HTR1F: variants seen among roughly 807,000 people sequenced by gnomAD.
HTR1F encodes 5-hydroxytryptamine (serotonin) receptor 1F, G protein-coupled.
A neutral mutation model predicts 24.0 loss-of-function variants in HTR1F; 17 were observed. The observed-to-expected ratio is 0.71, with a 90% CI of 0.48 to 1.06. The LOEUF is 1.06. Among genes scored for constraint, HTR1F ranks in the 50% least tolerant of loss-of-function variants. HTR1F has a pLI of 0.00. For missense variants in HTR1F, 391 were observed against 427.8 expected (o/e 0.91, Z 0.76); for synonymous variants, 186 against 156.8 (o/e 1.19, Z -1.39).
intron 2 of HTR1F, among the ~76,000 whole-genome samples, chr3:87,989,714 A>G (rs1559661124): frequency 1.3e-5 from 2 of 152,204 alleles, no homozygotes; most frequent in African/African-American, 4.8e-5. Flanking sequence ...ATTTTCTTAT[A>G]TTGCATCATA....
chr3:87,917,948 G>C (rs1165830817), intron 2 of HTR1F, among the ~76,000 whole-genome samples: 1 of 151,996 alleles, frequency 6.6e-6, no homozygotes, highest in African/African-American at 2.4e-5. Flanking sequence ...TATCCCTGAT[G>C]AACGTAGATG....
chr3:87,934,515 C>A (rs936417827), intron 2 of HTR1F, among the ~76,000 whole-genome samples: 22 of 152,290 alleles, frequency 1.4e-4, no homozygotes, highest in Non-Finnish European at 2.6e-4. Flanking sequence ...AGTCATGAAA[C>A]CCCAGCTCCT....
intron 1 of HTR1F, among the ~76,000 whole-genome samples, chr3:87,804,424 C>A (rs992378676): frequency 1.3e-4 from 20 of 151,954 alleles, no homozygotes; most frequent in Admixed American, 9.8e-4. Flanking sequence ...AAAAAAAATT[C>A]TCTAAAATTG....
At chr3:87,925,409 C>A (rs1704102598) in intron 2 of HTR1F, among the ~76,000 whole-genome samples, 2 of 152,126 alleles carry the variant, frequency 1.3e-5, no homozygotes, top group Admixed American at 1.3e-4. Flanking sequence ...CCCAGCTGTA[C>A]TGGACCACTT....
intron 2 of HTR1F, among the ~76,000 whole-genome samples, chr3:87,960,805 G>A (rs147617011): frequency 3.5e-4 from 53 of 152,000 alleles, no homozygotes; most frequent in African/African-American, 1.0e-3. Flanking sequence ...AGAGTGAGTC[G>A]TTTGAAATCT....
chr3:87,838,584 T>C (rs1247447270), intron 2 of HTR1F, among the ~76,000 whole-genome samples: 3 of 152,152 alleles, frequency 2.0e-5, no homozygotes, highest in South Asian at 2.1e-4. Context: ...TTTTCCTTGA[T>C]TGCTGTGATT....
intron 2 of HTR1F, among the ~76,000 whole-genome samples, chr3:87,950,701 G>A (rs59770732): frequency 0.18 from 27,106 of 152,044 alleles, 2,625 homozygotes; most frequent in African/African-American, 0.27. Context: ...GGAAAGGGGA[G>A]CTTTTACTGC....
chr3:87,843,380 C>T (rs1704851630), intron 2 of HTR1F, among the ~76,000 whole-genome samples: 1 of 151,706 alleles, frequency 6.6e-6, no homozygotes. Context: ...TTCCTGAGTG[C>T]ACTTTATAAT....
chr3:87,862,806 T>C (rs1705344582), intron 2 of HTR1F, among the ~76,000 whole-genome samples: 1 of 152,110 alleles, frequency 6.6e-6, no homozygotes, highest in Non-Finnish European at 1.5e-5. Context: ...ATGTACTTAC[T>C]CTTTTTTTTT....
At chr3:87,794,393 A>G (rs1380033738) in intron 1 of HTR1F, among the ~76,000 whole-genome samples, 1 of 152,082 alleles carries the variant, frequency 6.6e-6, no homozygotes, top group Non-Finnish European at 1.5e-5. Flanking sequence ...GAGAGTATGT[A>G]TTCACTGTTT....
At chr3:87,914,333 C>T (rs544640124) in intron 2 of HTR1F, among the ~76,000 whole-genome samples, 53 of 152,218 alleles carry the variant, frequency 3.5e-4, no homozygotes, top group African/African-American at 9.9e-4. Context: ...TTGAACTGAT[C>T]GAGAAGCCTC....
At chr3:87,941,256 T>C (rs1404021792) in intron 2 of HTR1F, among the ~76,000 whole-genome samples, 5 of 152,208 alleles carry the variant, frequency 3.3e-5, no homozygotes, top group Admixed American at 6.5e-5. Flanking sequence ...TATTTTACCA[T>C]ACCTGGGAAT....
chr3:87,928,277 C>T (rs1248142030), intron 2 of HTR1F, among the ~76,000 whole-genome samples: 1 of 152,016 alleles, frequency 6.6e-6, no homozygotes, highest in Non-Finnish European at 1.5e-5. Context: ...AACTCCTGTC[C>T]TCAAGTGATC....
chr3:87,871,130 C>G (rs2107254130), intron 2 of HTR1F, among the ~76,000 whole-genome samples: 1 of 151,850 alleles, frequency 6.6e-6, no homozygotes, highest in East Asian at 1.9e-4. Context: ...ACTCAGCAAG[C>G]TACAAGTAAA....
At chr3:87,883,618 G>T (rs577012676) in intron 2 of HTR1F, among the ~76,000 whole-genome samples, 13 of 152,102 alleles carry the variant, frequency 8.5e-5, no homozygotes, top group Non-Finnish European at 1.9e-4. Flanking sequence ...TAGACAAATG[G>T]CTAACTAGAA....
In HTR1F at chr3:87,990,886, C is replaced by T. The variant is rs2107527025; in HGVS notation, c.137C>T (p.Ala46Val). ...MTTTINSLVI[A>V]AIIVTRKLHH... ...ACAACTATCAACTCCCTTGTGATCG[C>T]TGCAATTATTGTGACCCGGAAGCTG... The change falls in exon 3 of 3, where the codon GCT (alanine) becomes GTT (valine). Residue 46 changes from alanine to valine, a missense_variant. Coordinates refer to ENST00000319595, the MANE Select transcript of HTR1F (RefSeq NM_001322209.2). The T allele has an allele frequency of 9.9e-6, 16 of 1,614,196 alleles. No individual in the cohort carries two copies. The highest frequency in any genetic ancestry group is 1.4e-5 in the Non-Finnish European group (16 of 1,180,026).
Position 87,972,595 on chromosome 3 carries a change from A to G in HTR1F, c.-42-18113A>G, listed in dbSNP as rs185499508. On this transcript the variant is annotated intron_variant, in intron 2 of 2. Transcript: ENST00000319595. ...ATACCTTAGTCTCAATGTGTTTGAA[A>G]CTACTTATTACTTTCCCCTGACCCT... 4.7e-3 allele frequency among the ~76,000 whole-genome samples: 721 copies of G among 152,214 alleles called. 15 individuals are homozygous for G. Among genetic ancestry groups the G allele is most frequent in the Non-Finnish European group, 2.6e-3 (175 of 68,010 alleles).
intron 1 of HTR1F, among the ~76,000 whole-genome samples, chr3:87,811,615 A>C (rs575390290): frequency 1.3e-5 from 2 of 152,316 alleles, no homozygotes; most frequent in East Asian, 3.9e-4. Context: ...TAAATGTTTA[A>C]AAAAACAGCT....
chr3:87,800,247 A>G (rs530251352), intron 1 of HTR1F, among the ~76,000 whole-genome samples: 1 of 152,126 alleles, frequency 6.6e-6, no homozygotes, highest in South Asian at 2.1e-4. Context: ...CATCCTTCCA[A>G]GTCCTTCTTC....
Sources: gnomAD v4.1 joint callset for allele counts (sites outside exome capture counted in the v4.1 genomes callset) on GRCh38, gnomAD v4.1.1 for gene constraint, MANE v1.5 for transcripts, NCBI Gene and HGNC (gene_info 2026-07-23, HGNC 2026-07-21) for gene names.